Variants in DOCK1 observed in about 807,000 individuals in gnomAD.
DOCK1 encodes the protein dedicator of cytokinesis 1.
DOCK1 carries 138 observed loss-of-function variants against 262.7 expected under a neutral mutation model. The observed-to-expected ratio is 0.53, with a 90% CI of 0.46 to 0.61. The LOEUF (loss-of-function observed/expected upper bound fraction) is 0.61. Among genes scored for constraint, DOCK1 ranks in the 20% least tolerant of loss-of-function variants. DOCK1 has a pLI of 0.00. For missense variants in DOCK1, 1,908 were observed against 2,370.7 expected, an observed-to-expected ratio of 0.80 and a Z score of 4.05; for synonymous variants, 866 against 867.4, an observed-to-expected ratio of 1.00 and a Z score of 0.03.
chr10:127,191,476 A>G (rs1470204348), intron 27 of DOCK1, among the ~76,000 whole-genome samples: 2 of 152,222 alleles, frequency 1.3e-5, no homozygotes, highest in Non-Finnish European at 2.9e-5. Flanking sequence ...TGCATTTTTT[A>G]AGGATGCTAA....
intron 27 of DOCK1, among the ~76,000 whole-genome samples, chr10:127,130,860 T>G (rs540450503): frequency 6.6e-6 from 1 of 152,318 alleles, no homozygotes; most frequent in South Asian, 2.1e-4. Context: ...CACACGATGC[T>G]GATGGCCGTG....
rs756079723 is a variant in DOCK1, at chr10:126,999,454, G to T, written c.849+19G>T. 2 of 1,603,426 alleles carry T rather than the reference G, an allele frequency of 1.2e-6. No individual in the cohort carries two copies. Among genetic ancestry groups the T allele is most frequent in the South Asian group, 2.2e-5 (2 of 90,104 alleles). On this transcript the variant is annotated intron_variant, in intron 9 of 51. Transcript: ENST00000623213. ...GTTTACTGTAAGTGCACCCAAAGAT[G>T]CTTAGTTGAATTGGCTACCATTCTA...
intron 29 of DOCK1, among the ~76,000 whole-genome samples, chr10:127,290,912 A>G (rs2061327033): frequency 6.6e-6 from 1 of 152,208 alleles, no homozygotes; most frequent in Admixed American, 6.5e-5. Context: ...TGTGTGCACA[A>G]AAGTTTTTAT....
intron 21 of DOCK1, among the ~76,000 whole-genome samples, chr10:127,051,942 G>A (rs1218387722): frequency 2.6e-5 from 4 of 152,044 alleles, no homozygotes; most frequent in Non-Finnish European, 5.9e-5. Flanking sequence ...CCATCAGAGA[G>A]TATTTTTGGT....
chr10:126,912,646 A>T (rs1324819054), intron 1 of DOCK1, among the ~76,000 whole-genome samples: 1 of 151,386 alleles, frequency 6.6e-6, no homozygotes, highest in African/African-American at 2.4e-5. Flanking sequence ...GAATGGCGTG[A>T]ACCCGGGAGG....
rs201089083 is a variant in DOCK1 at position 127,175,459 on chromosome 10, A to C, written c.2847+47695A>C. ...TGCTCACTACATTCGGGGGACAGGC[A>C]CTGCATCGGGGGTGAGCAGGCCAGG... On this transcript the variant is annotated intron_variant, in intron 27 of 51. Coordinates refer to ENST00000623213, the MANE Select transcript of DOCK1 (RefSeq NM_001290223.2). The surrounding 1 kb of genome is among the most constrained non-coding windows in gnomAD (Gnocchi z 6.3). The C allele has an allele frequency of 4.6e-4, 749 of 1,610,874 alleles. 5 individuals are homozygous for C. The highest frequency in any genetic ancestry group is 2.6e-4 in the Non-Finnish European group (312 of 1,180,020).
At chr10:126,912,723 C>T (rs966808603) in intron 1 of DOCK1, among the ~76,000 whole-genome samples, 1 of 56,138 alleles carries the variant, frequency 1.8e-5, no homozygotes, top group Non-Finnish European at 3.7e-5. Flanking sequence ...GAGACTCCAT[C>T]TCGGAAAAAA....
intron 3 of DOCK1, among the ~76,000 whole-genome samples, chr10:126,981,009 G>A (rs185580593): frequency 0.02 from 3,010 of 150,384 alleles, 104 homozygotes; most frequent in African/African-American, 0.069. Flanking sequence ...GCGCAGTGGC[G>A]GGATCTCTGC....
chr10:126,992,737 GACACACAC>G (rs34596370), intron 6 of DOCK1, among the ~76,000 whole-genome samples: 2 of 133,338 alleles, frequency 1.5e-5, no homozygotes, highest in Non-Finnish European at 3.3e-5. Flanking sequence ...CCCCAACACA[GACACACAC>G]ACACACACAC....
chr10:127,127,547 C>A (rs958639381), intron 26 of DOCK1, 122 bp from the exon 27 acceptor site: 1 of 612,714 alleles, frequency 1.6e-6, no homozygotes, highest in Non-Finnish European at 2.5e-6. Flanking sequence ...GGCCATTTTT[C>A]ATCTCATTAA....
intron 27 of DOCK1, among the ~76,000 whole-genome samples, chr10:127,157,429 G>A (rs2053189281): frequency 2.0e-5 from 3 of 152,220 alleles, no homozygotes; most frequent in Admixed American, 2.0e-4. Context: ...AAATTGAATG[G>A]GAAGCCACTA....
chr10:126,942,211 G>T (rs910970212), intron 1 of DOCK1, among the ~76,000 whole-genome samples: 2 of 152,132 alleles, frequency 1.3e-5, no homozygotes, highest in African/African-American at 4.8e-5. Flanking sequence ...TTTTAGTAGA[G>T]ACAGGGTTTC....
chr10:127,200,892 C>T (rs553707703), intron 27 of DOCK1, among the ~76,000 whole-genome samples: 2 of 152,268 alleles, frequency 1.3e-5, no homozygotes, highest in South Asian at 2.1e-4. Flanking sequence ...TTTCTCTAGT[C>T]CTCACTCAAA....
chr10:127,086,230 C>T (rs1337414888), intron 23 of DOCK1, among the ~76,000 whole-genome samples: 1 of 151,362 alleles, frequency 6.6e-6, no homozygotes, highest in Non-Finnish European at 1.5e-5. Context: ...CCCCACCTCC[C>T]ATCCCCCCAC....
chr10:127,291,294 G>C (rs2061338023), intron 29 of DOCK1, among the ~76,000 whole-genome samples: 2 of 152,230 alleles, frequency 1.3e-5, no homozygotes, highest in Non-Finnish European at 2.9e-5. Flanking sequence ...GCAGGTGCCA[G>C]CTTCCTTCCT....
chr10:126,985,387 G>C (rs555713260), intron 4 of DOCK1, among the ~76,000 whole-genome samples: 2 of 152,246 alleles, frequency 1.3e-5, no homozygotes, highest in South Asian at 4.2e-4. Context: ...ACACTGGCAG[G>C]TAACAAGGTG....
At chr10:127,328,313 G>T (rs2062829535) in intron 29 of DOCK1, among the ~76,000 whole-genome samples, 1 of 152,154 alleles carries the variant, frequency 6.6e-6, no homozygotes, top group South Asian at 2.1e-4. Context: ...CTTTTGTAAG[G>T]ATCCTATTTT....
chr10:127,182,121 C>T (rs576222455), intron 27 of DOCK1, among the ~76,000 whole-genome samples: 2 of 152,158 alleles, frequency 1.3e-5, no homozygotes, highest in East Asian at 3.9e-4. Context: ...TGGCACGCCC[C>T]GTTCCCTCGA....
At chr10:127,157,875 G>A (rs2053233980) in intron 27 of DOCK1, among the ~76,000 whole-genome samples, 1 of 152,214 alleles carries the variant, frequency 6.6e-6, no homozygotes, top group South Asian at 2.1e-4. Flanking sequence ...AAAATTTAAA[G>A]TGTTGACCTT....
Sources: allele counts gnomAD v4.1 joint callset (sites outside exome capture counted in the v4.1 genomes callset), GRCh38; gene constraint gnomAD v4.1.1; non-coding constraint Gnocchi (gnomAD v3.1); transcripts MANE v1.5; gene names NCBI Gene and HGNC (gene_info 2026-07-23, HGNC 2026-07-21).